The following SPATC1 variants were observed in gnomAD, a reference collection of about 807,000 sequenced individuals.
The protein encoded by SPATC1 is spermatogenesis and centriole associated 1.
Under a neutral mutation model 36.5 loss-of-function variants are expected in SPATC1, and 35 were observed. The observed-to-expected ratio is 0.96, with a 90% CI of 0.73 to 1.27. The LOEUF (loss-of-function observed/expected upper bound fraction) is 1.27, where lower values mean the gene tolerates loss of function less well. SPATC1 is among the 50% of genes most tolerant of loss of function. SPATC1 has a pLI of 0.00. For synonymous variants in SPATC1, 361 were observed against 353.6 expected, an observed-to-expected ratio of 1.02 and a Z score of -0.24; for missense variants, 779 against 796.0, an observed-to-expected ratio of 0.98 and a Z score of 0.26.
At chr8:144,031,527 G>A (rs954191165) in intron 1 of SPATC1, among the ~76,000 whole-genome samples, 17 of 143,830 alleles carry the variant, frequency 1.2e-4, no homozygotes, top group South Asian at 2.2e-4. Flanking sequence ...GGCCTCAAGC[G>A]ATCCTCTGGC....
At chr8:144,029,826 T>C (rs1834758890) in intron 1 of SPATC1, among the ~76,000 whole-genome samples, 1 of 152,206 alleles carries the variant, frequency 6.6e-6, no homozygotes, top group Non-Finnish European at 1.5e-5. Flanking sequence ...AGCTAGTTGG[T>C]TTATAGAAAG....
intron 1 of SPATC1, among the ~76,000 whole-genome samples, chr8:144,028,899 C>A (rs1834737751): frequency 6.6e-6 from 1 of 151,986 alleles, no homozygotes; most frequent in Admixed American, 6.6e-5. Context: ...ATGTCCTTTG[C>A]AGGGACATGG....
At chr8:144,017,837 G>A (rs2133100470) in intron 1 of SPATC1, among the ~76,000 whole-genome samples, 1 of 152,312 alleles carries the variant, frequency 6.6e-6, no homozygotes, top group African/African-American at 2.4e-5. Flanking sequence ...CTGGGAGAAG[G>A]AAAGGCAGTT....
rs547093040 is a variant in SPATC1, at chr8:144,046,047, C to T, written c.1447-580C>T. Among the ~76,000 whole-genome samples, 2 of 152,286 alleles carry T rather than the reference C, an allele frequency of 1.3e-5. No individual in the cohort carries two copies. The highest frequency in any genetic ancestry group is 4.1e-4 in the South Asian group (2 of 4,830). ...CCAGGAGGACGCAGATGGAGACAGG[C>T]CCCTCAGCGCTGGGGCCAACACTTG... On this transcript the variant is annotated intron_variant, in intron 4 of 4. Coordinates refer to ENST00000377470, the MANE Select transcript of SPATC1 (RefSeq NM_198572.3). The surrounding 1 kb of genome is among the most constrained non-coding windows in gnomAD (Gnocchi z 6.6).
chr8:144,024,107 C>T (rs1181010667), intron 1 of SPATC1, among the ~76,000 whole-genome samples: 2 of 151,176 alleles, frequency 1.3e-5, no homozygotes, highest in Admixed American at 1.3e-4. Context: ...GAGCCTCTCC[C>T]CTCCGGACCC....
intron 1 of SPATC1, among the ~76,000 whole-genome samples, chr8:144,019,882 T>A (rs963670265): frequency 1.5e-4 from 23 of 151,524 alleles, no homozygotes; most frequent in African/African-American, 5.6e-4. Context: ...TCCTCTCCCC[T>A]CAGGGCCGCC....
In SPATC1 at chr8:144,016,299, G is replaced by A. The variant is rs931689327; in HGVS notation, c.211+3573G>A. Among the ~76,000 whole-genome samples the A allele has an allele frequency of 1.6e-4, 25 of 152,040 alleles. No homozygotes were observed. Among genetic ancestry groups the A allele is most frequent in the Non-Finnish European group, 2.9e-4 (20 of 68,008 alleles). ...GTGTGTGAGAGGATATGGTGTATCT[G>A]CTTTGACGGTGTGTGATTTGTGAGT... On this transcript the variant is annotated intron_variant, in intron 1 of 4. Transcript: ENST00000377470. This position sits in a 1 kb window ranked among gnomAD's most constrained non-coding sequence, Gnocchi z 4.5.
At chr8:144,033,071 CAAAAAAAA>C (rs1305550907) in intron 1 of SPATC1, among the ~76,000 whole-genome samples, 1 of 128,386 alleles carries the variant, frequency 7.8e-6, no homozygotes, top group Admixed American at 8.4e-5. Context: ...CAACAAACAG[CAAAAAAAA>C]AAAAAAAAAA....
At chr8:144,014,079 C>T (rs1834332070) in intron 1 of SPATC1, among the ~76,000 whole-genome samples, 1 of 152,100 alleles carries the variant, frequency 6.6e-6, no homozygotes, top group African/African-American at 2.4e-5. Flanking sequence ...AGTGAAACCC[C>T]ATCTCTACTA....
intron 1 of SPATC1, among the ~76,000 whole-genome samples, chr8:144,037,145 G>T (rs1479881492): frequency 2.4e-5 from 3 of 124,588 alleles, no homozygotes; most frequent in African/African-American, 9.8e-5. Flanking sequence ...GGAGGGAGGT[G>T]GGGGGGTCAG....
intron 1 of SPATC1, among the ~76,000 whole-genome samples, chr8:144,039,269 C>T (rs1286894146): frequency 1.3e-5 from 2 of 152,238 alleles, no homozygotes; most frequent in African/African-American, 2.4e-5. Context: ...GGAAAGCAGG[C>T]TCTCAGGGGC....
At chr8:144,017,938 A>G (rs1489739294) in intron 1 of SPATC1, among the ~76,000 whole-genome samples, 2 of 152,212 alleles carry the variant, frequency 1.3e-5, no homozygotes, top group Admixed American at 6.5e-5. Flanking sequence ...CAGTAGCACT[A>G]TGAGCCTGAA....
chr8:144,014,087 C>G lies in SPATC1; in HGVS notation c.211+1361C>G, dbSNP rs574542563. Among the ~76,000 whole-genome samples, 306 of 152,212 alleles carry G rather than the reference C, an allele frequency of 2.0e-3. 2 individuals carry two copies. Among genetic ancestry groups the G allele is most frequent in the Non-Finnish European group, 3.8e-3 (258 of 68,032 alleles). On this transcript the variant is annotated intron_variant, in intron 1 of 4. Transcript: ENST00000377470. ...CCAACATAGTGAAACCCCATCTCTACTAAAAATACAAAAAGTTAGCCAGGC... is the reference window on the plus strand; with the variant it reads ...CCAACATAGTGAAACCCCATCTCTAGTAAAAATACAAAAAGTTAGCCAGGC...
At chr8:144,027,801 T>A (rs1407017199) in intron 1 of SPATC1, among the ~76,000 whole-genome samples, 1 of 152,146 alleles carries the variant, frequency 6.6e-6, no homozygotes, top group Non-Finnish European at 1.5e-5. Flanking sequence ...GAGACCAGCC[T>A]GGCCAACATG....
chr8:144,032,710 C>A (rs1834822781), intron 1 of SPATC1, among the ~76,000 whole-genome samples: 1 of 152,014 alleles, frequency 6.6e-6, no homozygotes, highest in Non-Finnish European at 1.5e-5. Flanking sequence ...TGTTTAGTGA[C>A]TTTTCTAAAC....
chr8:144,012,817 T>G (rs537175304), intron 1 of SPATC1, 91 bp downstream of exon 1: 1 of 1,339,768 alleles, frequency 7.5e-7, no homozygotes, highest in African/African-American at 1.5e-5. Context: ...CAGGAGGTCA[T>G]GGAGGGAGTG....
At chr8:144,026,723 T>C (rs1834684731) in intron 1 of SPATC1, among the ~76,000 whole-genome samples, 1 of 152,198 alleles carries the variant, frequency 6.6e-6, no homozygotes, top group South Asian at 2.1e-4. Flanking sequence ...CTTCTTTAGG[T>C]GTGCTTATTG....
chr8:144,013,557 G>C (rs569694710), intron 1 of SPATC1, among the ~76,000 whole-genome samples: 82 of 152,272 alleles, frequency 5.4e-4, no homozygotes, highest in African/African-American at 2.0e-3. Flanking sequence ...ATGTGGCATA[G>C]GGCTGGTCTT....
chr8:144,042,868 TG>T (rs1279678558), intron 4 of SPATC1, among the ~76,000 whole-genome samples: 4 of 151,110 alleles, frequency 2.6e-5, no homozygotes, highest in Non-Finnish European at 5.9e-5. Context: ...TTTTTTAAGA[TG>T]GGGTCACACT....
Sources: gnomAD v4.1 joint callset for allele counts (sites outside exome capture counted in the v4.1 genomes callset) on GRCh38, gnomAD v4.1.1 for gene constraint, Gnocchi (gnomAD v3.1) non-coding constraint, MANE v1.5 for transcripts, NCBI Gene and HGNC (gene_info 2026-07-23, HGNC 2026-07-21) for gene names.